Variants in ZBTB16 observed in about 807,000 individuals in gnomAD.
ZBTB16 encodes the protein zinc finger and BTB domain containing 16.
ZBTB16 carries 8 observed loss-of-function variants against 56.8 expected under a neutral mutation model. The ratio of observed to expected loss-of-function variants is 0.14; its 90% CI spans 0.08 to 0.25. ZBTB16 has a LOEUF of 0.25. ZBTB16 is among the 10% of genes least tolerant of loss of function. The pLI, the probability that ZBTB16 is intolerant of heterozygous loss-of-function variation, is 1.00. For missense variants in ZBTB16, 625 were observed against 903.0 expected, an observed-to-expected ratio of 0.69 and a Z score of 3.95; for synonymous variants, 363 against 368.5, an observed-to-expected ratio of 0.98 and a Z score of 0.17.
At chr11:114,226,801 T>C (rs1944335295) in intron 4 of ZBTB16, among the ~76,000 whole-genome samples, 1 of 152,128 alleles carries the variant, frequency 6.6e-6, no homozygotes. Context: ...GAGAGCAACC[T>C]ACTTGAAAGG....
At chr11:114,148,438 T>TC (rs1942187228) in intron 2 of ZBTB16, among the ~76,000 whole-genome samples, 1 of 48,752 alleles carries the variant, frequency 2.1e-5, no homozygotes. Flanking sequence ...TCTCTCTCTT[T>TC]CTCTCTCTCT....
At chr11:114,209,502 C>G in intron 4 of ZBTB16, 1 of 985,366 alleles carries the variant, frequency 1.0e-6, no homozygotes, top group Non-Finnish European at 1.2e-6. Context: ...CCCTTCAGCT[C>G]CAGAAAGCCA....
chr11:114,208,808 C>T (rs939592976), intron 4 of ZBTB16, among the ~76,000 whole-genome samples: 3 of 152,166 alleles, frequency 2.0e-5, no homozygotes, highest in Non-Finnish European at 4.4e-5. Context: ...CAGACTGGTC[C>T]ATTCAGTGAT....
At chr11:114,207,197 A>G (rs80160508) in intron 4 of ZBTB16, among the ~76,000 whole-genome samples, 2,772 of 152,216 alleles carry the variant, frequency 0.018, 69 homozygotes, top group African/African-American at 0.063. Context: ...TCAAAGCATC[A>G]TCATTGTCTT....
At position 114,253,237 on chromosome 11, in the gene ZBTB16, C is replaced by G. The variant is rs1166828305; in HGVS notation, c.*2682C>G. On this transcript the variant is annotated 3_prime_UTR_variant, in exon 7 of 7. Transcript: ENST00000335953. ...ACTATTCCATAGAACTAGCTGGCCC[C>G]CTCACTCCCATGCCCTTCCCACTCA... 6.6e-6 allele frequency among the ~76,000 whole-genome samples: 1 copy of G among 152,148 alleles called. No homozygotes were observed. Among genetic ancestry groups the G allele is most frequent in the Non-Finnish European group, 1.5e-5 (1 of 68,028 alleles).
intron 4 of ZBTB16, among the ~76,000 whole-genome samples, chr11:114,217,169 G>A (rs1944122584): frequency 1.3e-5 from 2 of 152,234 alleles, no homozygotes; most frequent in Admixed American, 1.3e-4. Flanking sequence ...GGATACAGTT[G>A]GAGGCATAGG....
intron 3 of ZBTB16, among the ~76,000 whole-genome samples, chr11:114,161,656 G>A (rs1942592897): frequency 6.6e-6 from 1 of 152,202 alleles, no homozygotes; most frequent in Non-Finnish European, 1.5e-5. Context: ...GGCCTGCAGG[G>A]AGAGAGCAGA....
chr11:114,224,722 G>A (rs1393023070), intron 4 of ZBTB16, among the ~76,000 whole-genome samples: 1 of 152,170 alleles, frequency 6.6e-6, no homozygotes, highest in Non-Finnish European at 1.5e-5. Flanking sequence ...GATGGAGATC[G>A]AGGAGTTGCT....
intron 4 of ZBTB16, chr11:114,187,332 C>T: frequency 1.3e-5 from 6 of 454,294 alleles, no homozygotes; most frequent in South Asian, 8.3e-5. Context: ...CTAGTATGCT[C>T]TTGTTGAGGC....
intron 4 of ZBTB16, among the ~76,000 whole-genome samples, chr11:114,239,562 G>T (rs140497607): frequency 6.6e-6 from 1 of 152,280 alleles, no homozygotes; most frequent in Non-Finnish European, 1.5e-5. Context: ...TCTTGGCATT[G>T]CTTCTGTCCA....
intron 3 of ZBTB16, among the ~76,000 whole-genome samples, chr11:114,162,787 C>T (rs988697916): frequency 3.9e-5 from 6 of 152,150 alleles, no homozygotes; most frequent in African/African-American, 1.4e-4. Context: ...GGCTGCCCTC[C>T]CTTCGGTCCG....
chr11:114,121,482 T>C (rs1487414159), intron 2 of ZBTB16, among the ~76,000 whole-genome samples: 1 of 152,236 alleles, frequency 6.6e-6, no homozygotes, highest in Non-Finnish European at 1.5e-5. Context: ...CTTATTCTCA[T>C]GCCTGGTTCT....
rs1221936005 is a variant in ZBTB16 at position 114,148,386 on chromosome 11, TTCC to T, written c.1269-7946_1269-7944del. ...CTTCCTTCCTTCCTTCCTTCCTTCC[TTCC>T]TCCTTCCCTCCCTCCCTCCCTCCCT... On this transcript the variant is annotated intron_variant, in intron 2 of 6. Transcript: ENST00000335953. 2.6e-5 allele frequency among the ~76,000 whole-genome samples: 3 copies of T among 117,602 alleles called. No homozygotes were observed. The East Asian group carries it at 6.6e-4, about 26-fold the overall frequency. The allele number at this position is 117,602 out of a possible 152,430, so 77.2% of individuals were successfully genotyped here. A position where few individuals can be genotyped will look rare whatever the true frequency, so the allele number is the denominator to read the frequency against.
Position 114,250,236 on chromosome 11 carries a change from C to T in ZBTB16, c.1793-90C>T. On this transcript the variant is annotated intron_variant, in intron 6 of 6. Transcript: ENST00000335953. The surrounding 1 kb of genome is among the most constrained non-coding windows in gnomAD (Gnocchi z 6.0). ...TGGAGCAAGCCCAGCTGGAGGAACC[C>T]AGCTTCCCTGGCACGCCTGAGGGTG... 3 of 1,476,482 alleles carry T rather than the reference C, an allele frequency of 2.0e-6. No homozygotes were observed. The Admixed American group carries it at 5.0e-5, about 25-fold the overall frequency. 91.5% of individuals were successfully genotyped at this position (1,476,482 alleles called of 1,614,324 possible). A position where few individuals can be genotyped will look rare whatever the true frequency, so the allele number is the denominator to read the frequency against.
At chr11:114,067,400 T>A (rs1172711240) in intron 2 of ZBTB16, among the ~76,000 whole-genome samples, 2 of 152,100 alleles carry the variant, frequency 1.3e-5, no homozygotes, top group Non-Finnish European at 2.9e-5. Flanking sequence ...AGGAAGAATG[T>A]GCTTTTGTTG....
chr11:114,094,194 A>C (rs1940295329), intron 2 of ZBTB16, among the ~76,000 whole-genome samples: 1 of 149,920 alleles, frequency 6.7e-6, no homozygotes, highest in African/African-American at 2.4e-5. Flanking sequence ...GGGCGCCTGT[A>C]GTCCCAGCTA....
intron 4 of ZBTB16, among the ~76,000 whole-genome samples, chr11:114,213,018 C>T (rs1004672879): frequency 2.0e-5 from 3 of 151,902 alleles, no homozygotes; most frequent in Non-Finnish European, 4.4e-5. Flanking sequence ...AGGAGTGGCC[C>T]ACCCATGGAA....
intron 2 of ZBTB16, among the ~76,000 whole-genome samples, chr11:114,124,830 A>G (rs144360443): frequency 6.6e-6 from 1 of 152,312 alleles, no homozygotes; most frequent in Non-Finnish European, 1.5e-5. Flanking sequence ...TTGAATGACC[A>G]CTGAGTGTGG....
intron 2 of ZBTB16, among the ~76,000 whole-genome samples, chr11:114,153,333 A>G (rs1464493201): frequency 2.6e-5 from 4 of 152,200 alleles, no homozygotes; most frequent in Non-Finnish European, 5.9e-5. Context: ...CCAGTGAGGA[A>G]AGACCTTTGC....
Sources: gnomAD v4.1 joint callset for allele counts (sites outside exome capture counted in the v4.1 genomes callset) on GRCh38, gnomAD v4.1.1 for gene constraint, Gnocchi (gnomAD v3.1) non-coding constraint, MANE v1.5 for transcripts, NCBI Gene and HGNC (gene_info 2026-07-23, HGNC 2026-07-21) for gene names.